The following CDH12 variants were observed in gnomAD, a reference collection of about 807,000 sequenced individuals.
CDH12 encodes the protein cadherin 12.
A neutral mutation model predicts 74.1 loss-of-function variants in CDH12; 41 were observed. The observed-to-expected ratio is 0.55, with a 90% CI of 0.43 to 0.72. The LOEUF is 0.72. Ranked by LOEUF, CDH12 falls within the 30% of genes least tolerant of loss-of-function variation. The pLI is 0.00. For missense variants in CDH12, 945 were observed against 977.2 expected (o/e 0.97, Z 0.44); for synonymous variants, 399 against 355.0 (o/e 1.12, Z -1.39).
chr5:22,654,276 C>T (rs944059385), intron 1 of CDH12, among the ~76,000 whole-genome samples: 15 of 138,356 alleles, frequency 1.1e-4, no homozygotes, highest in African/African-American at 3.2e-4. Context: ...CTTTCTTTTA[C>T]GTATTTCTTT....
At position 22,336,282 on chromosome 5, in the gene CDH12, G is replaced by T. The variant is rs546437119; in HGVS notation, c.-333+68975C>A. 3.9e-4 allele frequency among the ~76,000 whole-genome samples: 59 copies of T among 152,328 alleles called. No homozygotes were observed. The South Asian group carries it at 0.012, about 30-fold the overall frequency. On this transcript the variant is annotated intron_variant, in intron 3 of 14. Coordinates refer to ENST00000382254, the MANE Select transcript of CDH12 (RefSeq NM_004061.5). ...AGTATAAAAGTTCAGAAAATTTTCAGCCAGACAATGTGATGGAAAAGAAAA... is the reference window on the plus strand; with the variant it reads ...AGTATAAAAGTTCAGAAAATTTTCATCCAGACAATGTGATGGAAAAGAAAA...
intron 6 of CDH12, among the ~76,000 whole-genome samples, chr5:21,953,457 C>T: frequency 6.6e-6 from 1 of 152,148 alleles, no homozygotes; most frequent in Non-Finnish European, 1.5e-5. Context: ...TCTGAATAAA[C>T]CTCTTTAAAT....
chr5:22,381,035 T>C (rs1010543725), intron 3 of CDH12, among the ~76,000 whole-genome samples: 4 of 152,094 alleles, frequency 2.6e-5, no homozygotes, highest in African/African-American at 9.7e-5. Context: ...CTCTCTGTGA[T>C]AATAAAGAAA....
intron 1 of CDH12, among the ~76,000 whole-genome samples, chr5:22,757,010 G>A (rs571768594): frequency 3.4e-4 from 52 of 151,940 alleles, no homozygotes; most frequent in Non-Finnish European, 6.3e-4. Context: ...CCTTATTCAT[G>A]CTAGCTGTTT....
At chr5:21,800,376 C>A (rs2149920354) in intron 10 of CDH12, among the ~76,000 whole-genome samples, 1 of 152,160 alleles carries the variant, frequency 6.6e-6, no homozygotes, top group African/African-American at 2.4e-5. Context: ...TGTATCCCCC[C>A]AAAATTCACA....
At chr5:22,606,907 A>T (rs769783111) in intron 1 of CDH12, among the ~76,000 whole-genome samples, 1 of 152,164 alleles carries the variant, frequency 6.6e-6, no homozygotes, top group Non-Finnish European at 1.5e-5. Context: ...GCCAATAATA[A>T]TATGGACAAT....
chr5:22,812,038 G>C (rs537506129), intron 1 of CDH12, among the ~76,000 whole-genome samples: 1 of 152,162 alleles, frequency 6.6e-6, no homozygotes, highest in South Asian at 2.1e-4. Context: ...TGTTTTTATT[G>C]GGCTGGATTT....
chr5:22,411,398 T>C (rs912212908), intron 2 of CDH12, among the ~76,000 whole-genome samples: 3 of 151,958 alleles, frequency 2.0e-5, no homozygotes, highest in Admixed American at 2.0e-4. Flanking sequence ...GTATGATTAG[T>C]AAATGGTAGG....
chr5:22,189,145 T>C (rs1024757200), intron 4 of CDH12, among the ~76,000 whole-genome samples: 3 of 152,158 alleles, frequency 2.0e-5, no homozygotes, highest in Non-Finnish European at 4.4e-5. Flanking sequence ...CCAACTTCAG[T>C]AAACTTAAAC....
At chr5:22,664,187 A>G (rs953873521) in intron 1 of CDH12, among the ~76,000 whole-genome samples, 1 of 152,222 alleles carries the variant, frequency 6.6e-6, no homozygotes, top group African/African-American at 2.4e-5. Flanking sequence ...TTCGTAAACA[A>G]GAAGCAATTA....
intron 1 of CDH12, among the ~76,000 whole-genome samples, chr5:22,683,576 AT>A (rs1741608715): frequency 1.3e-5 from 2 of 152,256 alleles, no homozygotes; most frequent in South Asian, 4.1e-4. Context: ...ACTGCAACAC[AT>A]TTTTTTCTGC....
At chr5:21,813,958 G>T (rs1747895316) in intron 9 of CDH12, among the ~76,000 whole-genome samples, 1 of 152,154 alleles carries the variant, frequency 6.6e-6, no homozygotes, top group Non-Finnish European at 1.5e-5. Flanking sequence ...CTGAGTATGA[G>T]TGCAGGCAGT....
intron 5 of CDH12, among the ~76,000 whole-genome samples, chr5:22,018,591 T>C (rs571892323): frequency 2.6e-5 from 4 of 152,194 alleles, no homozygotes; most frequent in Non-Finnish European, 5.9e-5. Flanking sequence ...ATACTTCCAA[T>C]TACACCTTGG....
intron 1 of CDH12, among the ~76,000 whole-genome samples, chr5:22,644,448 C>T (rs1330794598): frequency 6.6e-6 from 1 of 151,900 alleles, no homozygotes; most frequent in African/African-American, 2.4e-5. Context: ...CAGAGCAAGG[C>T]CCAAACTCTA....
intron 5 of CDH12, among the ~76,000 whole-genome samples, chr5:22,004,199 C>T (rs1026965103): frequency 1.3e-5 from 2 of 152,156 alleles, no homozygotes; most frequent in African/African-American, 4.8e-5. Context: ...CATTATTAAG[C>T]AGAACACATA....
At chr5:22,001,815 A>C (rs1410424566) in intron 5 of CDH12, among the ~76,000 whole-genome samples, 2 of 152,034 alleles carry the variant, frequency 1.3e-5, no homozygotes, top group Non-Finnish European at 2.9e-5. Context: ...TTACGATCAT[A>C]AAAAAGAAAG....
At chr5:22,247,698 T>C (rs563137902) in intron 3 of CDH12, among the ~76,000 whole-genome samples, 122 of 151,870 alleles carry the variant, frequency 8.0e-4, no homozygotes, top group African/African-American at 2.7e-3. Context: ...AAAAGAAAAG[T>C]ATTTGGTAAC....
chr5:21,773,326 A>G (rs1745421735), intron 11 of CDH12, among the ~76,000 whole-genome samples: 1 of 152,114 alleles, frequency 6.6e-6, no homozygotes, highest in East Asian at 1.9e-4. Context: ...CAGTGAACTG[A>G]AAGAGGCAGA....
chr5:22,072,117 C>A (rs191323532), intron 5 of CDH12, among the ~76,000 whole-genome samples: 1 of 152,080 alleles, frequency 6.6e-6, no homozygotes, highest in East Asian at 1.9e-4. Context: ...CCTTTTTCCC[C>A]GTCTTCAATG....
Sources: gnomAD v4.1 joint callset for allele counts (sites outside exome capture counted in the v4.1 genomes callset) on GRCh38, gnomAD v4.1.1 for gene constraint, MANE v1.5 for transcripts, NCBI Gene and HGNC (gene_info 2026-07-23, HGNC 2026-07-21) for gene names.